HIP1R: variants seen among roughly 807,000 people sequenced by gnomAD.
HIP1R encodes the protein huntingtin interacting protein 1 related.
A neutral mutation model predicts 144.2 loss-of-function variants in HIP1R; 135 were observed. The ratio of observed to expected loss-of-function variants is 0.94; its 90% confidence interval spans 0.81 to 1.08. The LOEUF (loss-of-function observed/expected upper bound fraction) is 1.08, where lower values mean the gene tolerates loss of function less well. Among genes scored for constraint, HIP1R ranks in the 50% least tolerant of loss-of-function variants. The probability of loss-of-function intolerance (pLI) is 0.00; values close to 1 mark genes in which losing one functional copy is unlikely to be tolerated. For synonymous variants in HIP1R, 698 were observed against 612.8 expected (o/e 1.14, Z -2.05); for missense variants, 1,462 against 1,432.8 (o/e 1.02, Z -0.33).
chr12:122,838,026 A>G (rs1163540271), intron 1 of HIP1R, among the ~76,000 whole-genome samples: 1 of 132,914 alleles, frequency 7.5e-6, no homozygotes, highest in Non-Finnish European at 1.6e-5. Flanking sequence ...GTGCTGTGGC[A>G]GGAGCACTAG....
At position 122,861,178 on chromosome 12, in the gene HIP1R, G is replaced by A; in HGVS notation, c.2938G>A (p.Glu980Lys). Reference protein sequence around the residue: ...GLSLIKLKKQEMETQVRVLEL... With the variant: ...GLSLIKLKKQKMETQVRVLEL... ...GTCCCTCATCAAGCTGAAGAAGCAG[G>A]AGATGGAGACCCAGGTAGGCGCCCA... Residue 980 changes from glutamate to lysine, a missense_variant, in exon 30 of 32, where the codon GAG becomes AAG. This residue lies in a region of HIP1R where 1,112 missense variants were observed against 1,011.7 expected (regional missense o/e 1.10). Transcript: ENST00000253083. The A allele has an allele frequency of 6.2e-7, 1 of 1,602,900 alleles. No homozygotes were observed. The highest frequency in any genetic ancestry group is 8.5e-7 in the Non-Finnish European group (1 of 1,177,016).
intron 1 of HIP1R, among the ~76,000 whole-genome samples, chr12:122,847,335 A>T (rs1443427590): frequency 1.3e-5 from 2 of 152,050 alleles, no homozygotes; most frequent in African/African-American, 4.8e-5. Context: ...CCATAGGTGG[A>T]GCGGGAGGGA....
chr12:122,859,003 G>C (rs1304951611), intron 21 of HIP1R, 58 bp downstream of exon 21: 5 of 1,599,940 alleles, frequency 3.1e-6, no homozygotes, highest in Non-Finnish European at 3.4e-6. Context: ...CTCCCCTGGG[G>C]GTCCTTATGG....
At chr12:122,855,159 T>C (rs1478224101) in intron 10 of HIP1R, 31 bp downstream of exon 10, 2 of 1,609,926 alleles carry the variant, frequency 1.2e-6, no homozygotes, top group South Asian at 1.1e-5. Context: ...CCGAGGCCCT[T>C]TGAGGACCCC....
chr12:122,856,010 C>T lies in HIP1R; in HGVS notation c.1159C>T (p.Gln387Ter), dbSNP rs1475859902. Residue 387 changes from glutamine (Q) to a stop codon, truncating the protein, a stop_gained, in exon 14 of 32, where the codon CAG becomes TAG. Coordinates refer to ENST00000253083, the MANE Select transcript of HIP1R (RefSeq NM_003959.3). LOFTEE classifies it high-confidence loss of function. Reference protein sequence around the residue: ...AQRYIAQLKSQVNALEGELEE... With the variant: ...AQRYIAQLKS ...GCGGTACATCGCGCAGCTGAAGAGC[C>T]AGGTGAATGCACTGGAGGGTGAGCT... The T allele has an allele frequency of 1.9e-6, 3 of 1,595,112 alleles. No individual in the cohort carries two copies. Among genetic ancestry groups the T allele is most frequent in the Non-Finnish European group, 1.7e-6 (2 of 1,171,204 alleles).
At position 122,855,288 on chromosome 12, in the gene HIP1R, C is replaced by G. The variant is rs1332420303; in HGVS notation, c.876C>G (p.Ala292=). 1.9e-6 allele frequency: 3 copies of G among 1,612,796 alleles called. No homozygotes were observed. Among genetic ancestry groups the G allele is most frequent in the Non-Finnish European group, 2.5e-6 (3 of 1,179,918 alleles). The change falls in exon 11 of 32, where the codon GCC becomes GCG. Residue 292 remains alanine (A), a synonymous_variant. Transcript: ENST00000253083. ...LPEGPPNFLR[A]SALAEHIKPV... is the part of the protein sequence containing the mutation. Reference sequence around the variant, plus strand: ...AGGGACCCCCTAACTTCCTGCGGGCCTCAGCCCTGGCTGAGCACATCAAGC... The same window carrying G: ...AGGGACCCCCTAACTTCCTGCGGGCGTCAGCCCTGGCTGAGCACATCAAGC...
rs1269834639 is a variant in HIP1R, at chr12:122,849,797, ACT to A, written c.358-74_358-73del. 4.2e-6 allele frequency: 4 copies of A among 962,672 alleles called. No homozygotes were observed. The African/African-American group carries it at 6.4e-5, about 16-fold the overall frequency. 59.6% of individuals were successfully genotyped at this position (962,672 alleles called of 1,614,324 possible). ...ATGAAGAAGTGCCCGGTGGTGGGTC[ACT>A]CTCGTGCCCAGGTCCTTGAGGACTC... On this transcript the variant is annotated intron_variant, in intron 4 of 31. Transcript: ENST00000253083.
intron 4 of HIP1R, 125 bp downstream of exon 4, chr12:122,848,977 T>C (rs2033294093): frequency 5.3e-6 from 5 of 951,044 alleles, no homozygotes; most frequent in African/African-American, 3.2e-5. Flanking sequence ...GGGGCGACAG[T>C]GGGAGGGGCA....
Position 122,855,213 on chromosome 12 carries a change from G to A in HIP1R, c.853-52G>A, listed in dbSNP as rs987871557. On this transcript the variant is annotated intron_variant, in intron 10 of 31. Transcript: ENST00000253083. ...CACACAGGCTATGGAGATGGCGGAA[G>A]GAGGGCTTGCTTAGGGGACAGCTGA... 5 of 1,610,862 alleles carry A rather than the reference G, an allele frequency of 3.1e-6. No homozygotes were observed. In the East Asian group the frequency reaches 8.9e-5, roughly 29 times the overall value.
chr12:122,835,650 G>T lies in HIP1R; in HGVS notation c.93+7G>T. 1.1e-6 allele frequency: 1 copy of T among 920,258 alleles called. No homozygotes were observed. The highest frequency in any genetic ancestry group is 5.5e-5 in the South Asian group (1 of 18,146). 57.0% of individuals were successfully genotyped at this position (920,258 alleles called of 1,614,324 possible). A position where few individuals can be genotyped will look rare whatever the true frequency, so the allele number is the denominator to read the frequency against. On this transcript the variant is annotated splice_region_variant and intron_variant, in intron 1 of 31. Transcript: ENST00000253083. ...GCAGTTCGACAAGACCCAGGCGAGC[G>T]GGCGGCGGGCGGCGGGCGGCGGGCG...
In HIP1R at chr12:122,858,371, G is replaced by A. The variant is rs944681746; in HGVS notation, c.1986G>A (p.Gln662=). ...SSPDYLVSRA[Q]EALDAVSTLE... ...CAGACTACCTGGTGAGCAGGGCCCA[G>A]GAGGCCTTGGATGCCGTGAGCACCC... The change falls in exon 20 of 32, where the codon CAG becomes CAA. Residue 662 remains glutamine, a synonymous_variant. Transcript: ENST00000253083. The A allele has an allele frequency of 1.7e-5, 27 of 1,610,546 alleles. No homozygotes were observed. Among genetic ancestry groups the A allele is most frequent in the Non-Finnish European group, 2.3e-5 (27 of 1,178,310 alleles).
intron 21 of HIP1R, 26 bp downstream of exon 21, chr12:122,858,971 T>G: frequency 6.2e-7 from 1 of 1,611,956 alleles, no homozygotes; most frequent in Non-Finnish European, 8.5e-7. Context: ...GATGGCAGGT[T>G]CTGTCCACCT....
At chr12:122,851,541 A>T (rs1032636088) in intron 7 of HIP1R, among the ~76,000 whole-genome samples, 1 of 152,058 alleles carries the variant, frequency 6.6e-6, no homozygotes, top group East Asian at 1.9e-4. Context: ...CTACTAAAAA[A>T]ATATAAAAAT....
intron 1 of HIP1R, among the ~76,000 whole-genome samples, chr12:122,839,431 T>C (rs1209236757): frequency 6.6e-6 from 1 of 152,086 alleles, no homozygotes; most frequent in Non-Finnish European, 1.5e-5. Flanking sequence ...ACTACCCAGG[T>C]GTAAGGGGTT....
chr12:122,835,043 T>A, upstream of HIP1R: 1 of 1,262,790 alleles, frequency 7.9e-7, no homozygotes, highest in Non-Finnish European at 1.0e-6. Context: ...GGGAATTGGC[T>A]GGGGTCCCTA....
Position 122,859,486 on chromosome 12 carries a change from G to A in HIP1R, c.2356G>A (p.Glu786Lys), listed in dbSNP as rs2033698729. Reference protein sequence around the residue: ...QEELGAVVDKEMAATSAAIED... With the variant: ...QEELGAVVDKKMAATSAAIED... ...GGAGCTGGGGGCCGTGGTCGACAAGGAGATGGCGGCCACATCCGCAGCCAT... is the reference window on the plus strand; with the variant it reads ...GGAGCTGGGGGCCGTGGTCGACAAGAAGATGGCGGCCACATCCGCAGCCAT... Residue 786 changes from glutamate (E) to lysine (K), a missense_variant, in exon 23 of 32, where the codon GAG becomes AAG. By Grantham distance (56) the Glu-to-Lys change is moderately conservative. This residue lies in a region of HIP1R where 1,112 missense variants were observed against 1,011.7 expected (regional missense o/e 1.10). Transcript: ENST00000253083. The A allele has an allele frequency of 6.2e-7, 1 of 1,613,342 alleles. No homozygotes were observed. The highest frequency in any genetic ancestry group is 8.5e-7 in the Non-Finnish European group (1 of 1,179,960).
chr12:122,861,551 G>C (rs2033774758), intron 31 of HIP1R, 37 bp downstream of exon 31: 1 of 1,592,082 alleles, frequency 6.3e-7, no homozygotes, highest in Non-Finnish European at 8.6e-7. Flanking sequence ...TTCCTGGACG[G>C]GGGTGCTGTC....
In HIP1R at chr12:122,850,920, C is replaced by G; in HGVS notation, c.515+9C>G. 3 of 1,607,562 alleles carry G rather than the reference C, an allele frequency of 1.9e-6. No homozygotes were observed. The highest frequency in any genetic ancestry group is 2.5e-6 in the Non-Finnish European group (3 of 1,176,510). Reference sequence around the variant, plus strand: ...ACCGATGTCAACAACATGTGAGTCACTCTGCATGGCTACATAGCCAGTTCC... The same window carrying G: ...ACCGATGTCAACAACATGTGAGTCAGTCTGCATGGCTACATAGCCAGTTCC... On this transcript the variant is annotated intron_variant, in intron 6 of 31. Transcript: ENST00000253083.
intron 6 of HIP1R, 42 bp from the exon 7 acceptor site, chr12:122,851,194 C>G (rs749149933): frequency 6.2e-6 from 9 of 1,451,682 alleles, no homozygotes; most frequent in Middle Eastern, 2.3e-4. Context: ...TGGGTGGGTC[C>G]ACCCACCCTT....
Sources: allele counts gnomAD v4.1 joint callset (sites outside exome capture counted in the v4.1 genomes callset), GRCh38; gene constraint gnomAD v4.1.1; regional missense constraint gnomAD v4.1.1; transcripts MANE v1.5; gene names NCBI Gene and HGNC (gene_info 2026-07-23, HGNC 2026-07-21).